Variants in ACSM6 observed in about 807,000 individuals in gnomAD.
The protein encoded by ACSM6 is acyl-coenzyme A synthetase ACSM6, mitochondrial.
Under a neutral mutation model 51.1 loss-of-function variants are expected in ACSM6, and 35 were observed. The ratio of observed to expected loss-of-function variants is 0.69; its 90% CI spans 0.52 to 0.91. The LOEUF is 0.91. Among genes scored for constraint, ACSM6 ranks in the 40% least tolerant of loss-of-function variants. The probability of loss-of-function intolerance (pLI) is 0.00; values close to 1 mark genes in which losing one functional copy is unlikely to be tolerated. For synonymous variants in ACSM6, 172 were observed against 207.3 expected, an observed-to-expected ratio of 0.83 and a Z score of 1.46; for missense variants, 509 against 584.1, an observed-to-expected ratio of 0.87 and a Z score of 1.32.
intron 7 of ACSM6, among the ~76,000 whole-genome samples, chr10:95,213,662 G>A (rs753662328): frequency 1.3e-5 from 2 of 152,164 alleles, no homozygotes; most frequent in Non-Finnish European, 2.9e-5. Context: ...GCTGAAATGA[G>A]CATCATTGCA....
chr10:95,226,200 C>A (rs2133396448), intron 10 of ACSM6: 1 of 152,238 alleles, frequency 6.6e-6, no homozygotes, highest in African/African-American at 2.4e-5. Context: ...CTGTAAATAT[C>A]CTATTCTCCA....
chr10:95,208,140 C>CA (rs375422959), intron 4 of ACSM6, among the ~76,000 whole-genome samples: 1,295 of 127,872 alleles, frequency 0.01, 18 homozygotes, highest in African/African-American at 0.033. Flanking sequence ...GACTCTGTCT[C>CA]AAAAAAAAAA....
chr10:95,212,937 C>G, exon 7 of ACSM6: 1 of 1,606,632 alleles, frequency 6.2e-7, no homozygotes, highest in Admixed American at 1.7e-5. Context: ...AAGTGTTTCA[C>G]CAGGTAAGAG....
chr10:95,219,208 C>T (rs940998489), intron 8 of ACSM6, among the ~76,000 whole-genome samples: 2 of 152,178 alleles, frequency 1.3e-5, no homozygotes, highest in South Asian at 4.1e-4. Context: ...ATTTTTGAGA[C>T]ATTTATTATT....
intron 3 of ACSM6, among the ~76,000 whole-genome samples, chr10:95,206,696 A>T (rs1014324868): frequency 7.9e-5 from 12 of 152,222 alleles, no homozygotes; most frequent in African/African-American, 2.4e-4. Flanking sequence ...ACACAGATGC[A>T]ACCAGCGTAT....
At chr10:95,202,550 A>T (rs906874216) in intron 3 of ACSM6, among the ~76,000 whole-genome samples, 2 of 152,174 alleles carry the variant, frequency 1.3e-5, no homozygotes, top group Non-Finnish European at 2.9e-5. Flanking sequence ...CTCTGTCCTA[A>T]CATAGTCATC....
intron 2 of ACSM6, among the ~76,000 whole-genome samples, chr10:95,200,374 C>T (rs1421260057): frequency 6.6e-6 from 1 of 150,974 alleles, no homozygotes; most frequent in African/African-American, 2.4e-5. Flanking sequence ...GGAGGGATAG[C>T]ATTGGGTGAT....
At chr10:95,211,303 T>G (rs1349965487) in intron 5 of ACSM6, among the ~76,000 whole-genome samples, 2 of 152,236 alleles carry the variant, frequency 1.3e-5, no homozygotes, top group African/African-American at 4.8e-5. Context: ...TTTCAATCTC[T>G]TTGGTTGAAC....
At chr10:95,203,869 A>C (rs1217025441) in intron 3 of ACSM6, among the ~76,000 whole-genome samples, 4 of 151,568 alleles carry the variant, frequency 2.6e-5, no homozygotes, top group African/African-American at 7.3e-5. Flanking sequence ...AAAAAAAAAA[A>C]AAAAAAAAAA....
Position 95,198,629 on chromosome 10 carries a change from C to T in ACSM6, c.193-3356C>T, listed in dbSNP as rs1485254269. On this transcript the variant is annotated intron_variant, in intron 2 of 10. Transcript: ENST00000341686. Reference sequence around the variant, plus strand: ...TCATGCCACTGCACTCCAGCCTGGGCGACAGAGCAAGACTGTCTCAAAAAA... The same window carrying T: ...TCATGCCACTGCACTCCAGCCTGGGTGACAGAGCAAGACTGTCTCAAAAAA... Among the ~76,000 whole-genome samples, 6 of 142,682 alleles carry T rather than the reference C, an allele frequency of 4.2e-5. No homozygotes were observed. The East Asian group carries it at 6.2e-4, about 15-fold the overall frequency. 93.6% of individuals were successfully genotyped at this position (142,682 alleles called of 152,430 possible). A position where few individuals can be genotyped will look rare whatever the true frequency, so the allele number is the denominator to read the frequency against.
chr10:95,214,739 G>T lies in ACSM6; in HGVS notation c.996-113G>T, dbSNP rs1230175958. ...TTAAGAACATCAACCACCACTTAAT[G>T]AGCATTTCCTGTATTGGAATAACTG... On this transcript the variant is annotated intron_variant, in intron 7 of 10. Transcript: ENST00000341686. 9 of 1,226,592 alleles carry T rather than the reference G, an allele frequency of 7.3e-6. No homozygotes were observed. In the African/African-American group the frequency reaches 1.4e-4, roughly 19 times the overall value. The allele number at this position is 1,226,592 out of a possible 1,614,324, so 76.0% of individuals were successfully genotyped here.
At chr10:95,227,090 G>A (rs2035046705) in intron 10 of ACSM6, among the ~76,000 whole-genome samples, 1 of 151,596 alleles carries the variant, frequency 6.6e-6, no homozygotes, top group Non-Finnish European at 1.5e-5. Context: ...GGGTTCAAGC[G>A]ATTCTACTGC....
chr10:95,198,630 G>A (rs532128540), intron 2 of ACSM6, among the ~76,000 whole-genome samples: 107 of 139,666 alleles, frequency 7.7e-4, no homozygotes, highest in Admixed American at 1.9e-3. Flanking sequence ...CAGCCTGGGC[G>A]ACAGAGCAAG....
intron 4 of ACSM6, among the ~76,000 whole-genome samples, chr10:95,208,933 TAA>T (rs34370150): frequency 0.018 from 612 of 33,878 alleles, 4 homozygotes; most frequent in African/African-American, 0.053. Flanking sequence ...CAGGGATGTT[TAA>T]AAAAAAAAAA....
At chr10:95,210,934 A>T in intron 5 of ACSM6, 141 bp downstream of exon 5, 1 of 1,027,720 alleles carries the variant, frequency 9.7e-7, no homozygotes. Context: ...AACAGGGCTG[A>T]GGGCCCCAAA....
At chr10:95,210,531 A>G in intron 4 of ACSM6, 119 bp from the exon 5 acceptor site, 1 of 1,118,842 alleles carries the variant, frequency 8.9e-7, no homozygotes, top group Non-Finnish European at 1.2e-6. Flanking sequence ...ATAATCCTCA[A>G]ATATATCAAG....
intron 2 of ACSM6, among the ~76,000 whole-genome samples, chr10:95,198,272 G>C (rs748572244): frequency 2.6e-5 from 4 of 152,120 alleles, no homozygotes; most frequent in Non-Finnish European, 4.4e-5. Context: ...GACCTGATGT[G>C]ATGGGCTGTG....
rs139748655 is a variant in ACSM6 at position 95,194,781 on chromosome 10, G to A, written c.192+104G>A. On this transcript the variant is annotated intron_variant, in intron 2 of 10. Coordinates refer to ENST00000341686, the Ensembl canonical transcript of ACSM6. ...TCCCATCTATGGCTGGCACTAGAAA[G>A]TGCAAATTCAGAGAAAAGAAATTAT... 10 of 1,071,362 alleles carry A rather than the reference G, an allele frequency of 9.3e-6. No individual in the cohort carries two copies. In the African/African-American group the frequency reaches 1.3e-4, roughly 14 times the overall value. 66.4% of individuals were successfully genotyped at this position (1,071,362 alleles called of 1,614,324 possible).
exon 3 of ACSM6, chr10:95,202,027 G>A (rs1373991146): frequency 1.3e-6 from 2 of 1,551,752 alleles, no homozygotes; most frequent in Admixed American, 3.9e-5. Flanking sequence ...GAAGGTTAGT[G>A]CCAAAGGAGA....
Sources: gnomAD v4.1 joint callset for allele counts (sites outside exome capture counted in the v4.1 genomes callset) on GRCh38, gnomAD v4.1.1 for gene constraint, MANE v1.5 for transcripts, NCBI Gene and HGNC (gene_info 2026-07-23, HGNC 2026-07-21) for gene names.